The following NAALADL2 variants were observed in gnomAD, a reference collection of about 807,000 sequenced individuals.
NAALADL2 encodes inactive N-acetylated-alpha-linked acidic dipeptidase-like protein 2.
A neutral mutation model predicts 87.2 loss-of-function variants in NAALADL2; 76 were observed. That is an observed-to-expected ratio of 0.87 (90% CI 0.72 to 1.05). The LOEUF is 1.05. Among genes scored for constraint, NAALADL2 ranks in the 50% least tolerant of loss-of-function variants. The pLI, the probability that NAALADL2 is intolerant of heterozygous loss-of-function variation, is 0.00. For missense variants in NAALADL2, 1,089 were observed against 945.8 expected (o/e 1.15, Z -1.99); for synonymous variants, 354 against 331.0 (o/e 1.07, Z -0.75).
chr3:175,795,600 G>A (rs1447922414), intron 13 of NAALADL2, among the ~76,000 whole-genome samples: 1 of 151,850 alleles, frequency 6.6e-6, no homozygotes, highest in Non-Finnish European at 1.5e-5. Context: ...GGAGAATGGT[G>A]TGAACCTGGG....
At chr3:174,820,195 A>G (rs1721269429) in intron 3 of NAALADL2, among the ~76,000 whole-genome samples, 1 of 152,226 alleles carries the variant, frequency 6.6e-6, no homozygotes, top group South Asian at 2.1e-4. Flanking sequence ...TCATACCAAA[A>G]TATGAATACA....
At chr3:174,865,358 G>A (rs887941829) in intron 1 of NAALADL2, among the ~76,000 whole-genome samples, 1 of 151,980 alleles carries the variant, frequency 6.6e-6, no homozygotes, top group African/African-American at 2.4e-5. Context: ...TGAAACTTCA[G>A]TGAAAGATTC....
chr3:175,771,390 T>C (rs1749465597), intron 13 of NAALADL2, among the ~76,000 whole-genome samples: 1 of 152,220 alleles, frequency 6.6e-6, no homozygotes, highest in African/African-American at 2.4e-5. Flanking sequence ...GTATCTATTA[T>C]GTAAAAGGCA....
In NAALADL2 at chr3:174,555,974, C is replaced by CGTGT. The variant is rs66968495; in HGVS notation, c.-115+5369_-115+5372dup. On this transcript the variant is annotated intron_variant, in intron 2 of 3. Transcript: ENST00000434257. ...ATGCTTAGAGAGAAGCCTTATCCTC[C>CGTGT]GTGTGTGTGTGTGTGTGTGTGTGTG... 6.8e-3 allele frequency among the ~76,000 whole-genome samples: 966 copies of CGTGT among 142,610 alleles called. 2 individuals carry two copies. Among genetic ancestry groups the CGTGT allele is most frequent in the East Asian group, 0.011 (56 of 4,942 alleles). 93.6% of individuals were successfully genotyped at this position (142,610 alleles called of 152,430 possible).
chr3:175,246,235 C>G (rs1211041491), intron 3 of NAALADL2, among the ~76,000 whole-genome samples: 1 of 152,014 alleles, frequency 6.6e-6, no homozygotes, highest in African/African-American at 2.4e-5. Context: ...GAAGTAAATT[C>G]AAAGCTAGAT....
intron 4 of NAALADL2, among the ~76,000 whole-genome samples, chr3:175,296,907 G>T (rs1294855211): frequency 6.6e-6 from 1 of 152,100 alleles, no homozygotes; most frequent in Non-Finnish European, 1.5e-5. Flanking sequence ...GGCAATGGAA[G>T]AGCAGCAGGA....
intron 1 of NAALADL2, among the ~76,000 whole-genome samples, chr3:174,547,068 A>C (rs1722823013): frequency 6.6e-6 from 1 of 152,114 alleles, no homozygotes; most frequent in Admixed American, 6.6e-5. Flanking sequence ...ATTATTCATT[A>C]GATTGATTAG....
chr3:175,195,047 C>T (rs1015760611), intron 2 of NAALADL2, among the ~76,000 whole-genome samples: 6 of 151,586 alleles, frequency 4.0e-5, no homozygotes, highest in Admixed American at 1.3e-4. Flanking sequence ...CTCTCTCTCC[C>T]TCCTCTAAGA....
At position 175,398,655 on chromosome 3, in the gene NAALADL2, C is replaced by T. The variant is rs539892414; in HGVS notation, c.1091-48574C>T. Among the ~76,000 whole-genome samples the T allele has an allele frequency of 5.9e-5, 9 of 152,120 alleles. 1 individual carries two copies. In the South Asian group the frequency reaches 1.9e-3, roughly 32 times the overall value. ...TGATAAATATTGTCAAACTAGCCTC[C>T]AGGAAGATTATACCCCTGGAGGAGA... On this transcript the variant is annotated intron_variant, in intron 5 of 13. Transcript: ENST00000454872.
intron 10 of NAALADL2, among the ~76,000 whole-genome samples, chr3:175,610,487 T>C (rs1001990097): frequency 6.6e-6 from 1 of 152,144 alleles, no homozygotes; most frequent in African/African-American, 2.4e-5. Flanking sequence ...ATGGCTATGA[T>C]ACTTTATTCT....
chr3:175,386,870 C>T (rs989507592), intron 5 of NAALADL2, among the ~76,000 whole-genome samples: 38 of 152,058 alleles, frequency 2.5e-4, no homozygotes, highest in African/African-American at 9.2e-4. Context: ...GCCACCCTTA[C>T]TTTGCTTAGT....
chr3:175,171,071 T>C (rs540582222), intron 2 of NAALADL2, among the ~76,000 whole-genome samples: 2 of 152,138 alleles, frequency 1.3e-5, no homozygotes, highest in African/African-American at 4.8e-5. Context: ...TGAAATATAA[T>C]ATATAGTCAA....
chr3:174,684,413 T>C (rs941560146), intron 2 of NAALADL2, among the ~76,000 whole-genome samples: 3 of 152,168 alleles, frequency 2.0e-5, no homozygotes, highest in Non-Finnish European at 4.4e-5. Context: ...ATTGAAATTA[T>C]TCCCATAAGT....
chr3:175,808,696 C>T lies in NAALADL2; in HGVS notation c.*5493C>T, dbSNP rs893080473. On this transcript the variant is annotated 3_prime_UTR_variant, in exon 14 of 14. Transcript: ENST00000454872. Reference sequence around the variant, plus strand: ...GGATCACACAGGTGCCTGTATCATGCCATATGTCATGTGCTATATTCCTGC... The same window carrying T: ...GGATCACACAGGTGCCTGTATCATGTCATATGTCATGTGCTATATTCCTGC... The T allele has an allele frequency of 1.3e-5, 2 of 151,952 alleles. No homozygotes were observed. Among genetic ancestry groups the T allele is most frequent in the Admixed American group, 6.6e-5 (1 of 15,216 alleles). 9.4% of individuals were successfully genotyped at this position (151,952 alleles called of 1,614,324 possible).
chr3:175,631,039 A>C (rs867023698), intron 11 of NAALADL2, among the ~76,000 whole-genome samples: 1 of 151,412 alleles, frequency 6.6e-6, no homozygotes, highest in South Asian at 2.1e-4. Flanking sequence ...ATATTACCTA[A>C]TTAATTAAAT....
chr3:174,622,132 A>G (rs376654730), intron 2 of NAALADL2, among the ~76,000 whole-genome samples: 5 of 152,266 alleles, frequency 3.3e-5, no homozygotes, highest in East Asian at 1.9e-4. Flanking sequence ...TCTTTTTGCT[A>G]TAACTTAATG....
rs758670280 is a variant in NAALADL2, at chr3:175,778,583, T to C, written c.2189+23165T>C. On this transcript the variant is annotated intron_variant, in intron 13 of 13. Coordinates refer to ENST00000454872, the MANE Select transcript of NAALADL2 (RefSeq NM_207015.3). ...CCCAAGGAAGCAAAATGCAAACATC[T>C]CAAATAATAGCATAAGTAACACATA... is the stretch of plus-strand genomic sequence containing the variant. Among the ~76,000 whole-genome samples, 61 of 152,194 alleles carry C rather than the reference T, an allele frequency of 4.0e-4. 1 individual carries two copies. The highest frequency in any genetic ancestry group is 6.9e-4 in the Non-Finnish European group (47 of 68,026).
chr3:174,547,039 G>C (rs1182436112), intron 1 of NAALADL2, among the ~76,000 whole-genome samples: 1 of 152,118 alleles, frequency 6.6e-6, no homozygotes, highest in Non-Finnish European at 1.5e-5. Flanking sequence ...TATTTTCAAA[G>C]AGAAGAGTAA....
At position 175,465,531 on chromosome 3, in the gene NAALADL2, T is replaced by A. The variant is rs13070762; in HGVS notation, c.1328-1448T>A. 2.0e-5 allele frequency among the ~76,000 whole-genome samples: 3 copies of A among 148,828 alleles called. No individual in the cohort carries two copies. In the Admixed American group the frequency reaches 2.1e-4, roughly 10 times the overall value. On this transcript the variant is annotated intron_variant, in intron 7 of 13. Coordinates refer to ENST00000454872, the MANE Select transcript of NAALADL2 (RefSeq NM_207015.3). ...GCTCTATCACGGGGCTGGAATGTAG[T>A]GACACGATCTTCGCTCATTGCATCC...
Sources: gnomAD v4.1 joint callset for allele counts (sites outside exome capture counted in the v4.1 genomes callset) on GRCh38, gnomAD v4.1.1 for gene constraint, MANE v1.5 for transcripts, NCBI Gene and HGNC (gene_info 2026-07-23, HGNC 2026-07-21) for gene names.